The following RIC3 variants were observed in gnomAD, a reference collection of about 807,000 sequenced individuals.
RIC3 encodes the protein RIC3 acetylcholine receptor chaperone.
RIC3 carries 28 observed loss-of-function variants against 27.3 expected under a neutral mutation model. The observed-to-expected ratio is 1.02, with a 90% CI of 0.76 to 1.41. RIC3 has a LOEUF of 1.41. Among genes scored for constraint, RIC3 ranks in the 40% most tolerant of loss-of-function variants. The probability of loss-of-function intolerance (pLI) is 0.00; values close to 1 mark genes in which losing one functional copy is unlikely to be tolerated. For missense variants in RIC3, 501 were observed against 444.7 expected, an observed-to-expected ratio of 1.13 and a Z score of -1.14; for synonymous variants, 184 against 160.4, an observed-to-expected ratio of 1.15 and a Z score of -1.11.
chr11:8,143,809 T>C (rs1037392952), intron 1 of RIC3, among the ~76,000 whole-genome samples: 1 of 152,136 alleles, frequency 6.6e-6, no homozygotes, highest in African/African-American at 2.4e-5. Flanking sequence ...CAAAACAGCA[T>C]GGTACTGGTA....
In RIC3 at chr11:8,108,476, T is replaced by C. The variant is rs550961403; in HGVS notation, c.*2222A>G. Reference sequence around the variant, plus strand: ...ATTACCACTTAATGAGTGGTTATCATGTATGAGCTAGAACCAATGCTGTTT... The same window carrying C: ...ATTACCACTTAATGAGTGGTTATCACGTATGAGCTAGAACCAATGCTGTTT... On this transcript the variant is annotated 3_prime_UTR_variant, in exon 6 of 6. Transcript: ENST00000309737. 6.6e-6 allele frequency: 1 copy of C among 152,358 alleles called. No homozygotes were observed. The highest frequency in any genetic ancestry group is 2.1e-4 in the South Asian group (1 of 4,832). The allele number at this position is 152,358 out of a possible 1,614,324, so 9.4% of individuals were successfully genotyped here.
chr11:8,134,400 G>T (rs1170754033), intron 4 of RIC3, among the ~76,000 whole-genome samples: 1 of 152,166 alleles, frequency 6.6e-6, no homozygotes, highest in Non-Finnish European at 1.5e-5. Flanking sequence ...TATCATTGAT[G>T]GACATCTGGG....
intron 1 of RIC3, among the ~76,000 whole-genome samples, chr11:8,140,546 G>A (rs6578934): frequency 0.53 from 80,247 of 152,042 alleles, 25,172 homozygotes; most frequent in African/African-American, 0.88. Flanking sequence ...ATTCAACTCC[G>A]TGATCATTTC....
intron 1 of RIC3, among the ~76,000 whole-genome samples, chr11:8,144,147 A>T (rs1949388844): frequency 6.6e-6 from 1 of 152,210 alleles, no homozygotes; most frequent in South Asian, 2.1e-4. Flanking sequence ...GAACACCAAA[A>T]GCGATGGCAA....
rs544646640 is a variant in RIC3, at chr11:8,126,098, T to C, written c.670+561A>G. On this transcript the variant is annotated intron_variant, in intron 5 of 5. Coordinates refer to ENST00000309737, the MANE Select transcript of RIC3 (RefSeq NM_001206671.4). ...AACCCAAAAATCTCACTCCTAGGTA[T>C]AGACTCAAAAGAAATACAAATATAT... Among the ~76,000 whole-genome samples, 9 of 152,290 alleles carry C rather than the reference T, an allele frequency of 5.9e-5. No homozygotes were observed. The South Asian group carries it at 6.2e-4, about 11-fold the overall frequency.
intron 1 of RIC3, among the ~76,000 whole-genome samples, chr11:8,152,015 C>T (rs140059334): frequency 6.5e-4 from 99 of 152,088 alleles, no homozygotes; most frequent in African/African-American, 2.1e-3. Context: ...TAACACCATT[C>T]GCCACCAAGG....
chr11:8,152,096 A>T (rs193157252), intron 1 of RIC3, among the ~76,000 whole-genome samples: 76 of 152,282 alleles, frequency 5.0e-4, no homozygotes, highest in Non-Finnish European at 9.3e-4. Context: ...AAAAGATAAT[A>T]GCAAGTGTTT....
intron 1 of RIC3, among the ~76,000 whole-genome samples, chr11:8,165,345 T>TATGAATG (rs1951581961): frequency 3.8e-5 from 5 of 131,660 alleles, no homozygotes; most frequent in Non-Finnish European, 6.6e-5. Flanking sequence ...AATGAAATAT[T>TATGAATG]ATTCAGCCAT....
chr11:8,097,591 G>C, the RIC3 span: 1 of 1,303,964 alleles, frequency 7.7e-7, no homozygotes, highest in Non-Finnish European at 1.1e-6. Flanking sequence ...CAGTGCATTT[G>C]TGTGTGTGCA....
At chr11:8,150,979 A>G (rs1431235169) in intron 1 of RIC3, among the ~76,000 whole-genome samples, 1 of 152,240 alleles carries the variant, frequency 6.6e-6, no homozygotes, top group African/African-American at 2.4e-5. Context: ...CATACCATAT[A>G]CAGAAATTAA....
the RIC3 span, chr11:8,097,970 C>T: frequency 1.5e-6 from 1 of 663,028 alleles, no homozygotes; most frequent in East Asian, 2.7e-5. Flanking sequence ...TCACATCCAA[C>T]TGGAGGCCTA....
chr11:8,128,363 G>C (rs1590162182), intron 4 of RIC3: 1 of 433,702 alleles, frequency 2.3e-6, no homozygotes, highest in African/African-American at 2.0e-5. Context: ...TCCTAAAAGA[G>C]GATGGGTAGA....
intron 5 of RIC3, among the ~76,000 whole-genome samples, chr11:8,117,391 G>T (rs1172990220): frequency 1.3e-5 from 2 of 152,182 alleles, no homozygotes; most frequent in Admixed American, 1.3e-4. Context: ...AGGAAATCCT[G>T]TTATTTATGA....
intron 1 of RIC3, among the ~76,000 whole-genome samples, chr11:8,154,579 T>A (rs550850498): frequency 7.2e-5 from 11 of 152,356 alleles, no homozygotes; most frequent in African/African-American, 2.6e-4. Flanking sequence ...AATGTATCCA[T>A]GTTGACATGT....
chr11:8,134,844 T>C (rs952727853), intron 4 of RIC3, among the ~76,000 whole-genome samples: 5 of 151,820 alleles, frequency 3.3e-5, no homozygotes, highest in Admixed American at 6.5e-5. Context: ...GATGGGGTTG[T>C]TTTTTTCTTG....
chr11:8,151,357 A>G (rs894007163), intron 1 of RIC3, among the ~76,000 whole-genome samples: 4 of 151,140 alleles, frequency 2.6e-5, no homozygotes, highest in African/African-American at 7.3e-5. Flanking sequence ...GGAGGCCGAG[A>G]CGGGCGGATC....
intron 1 of RIC3, among the ~76,000 whole-genome samples, chr11:8,159,210 A>G (rs1442215282): frequency 6.6e-6 from 1 of 152,198 alleles, no homozygotes; most frequent in Non-Finnish European, 1.5e-5. Context: ...ACGAAGGGAA[A>G]GGCACATGGA....
chr11:8,112,644 G>A (rs941211858), intron 5 of RIC3, among the ~76,000 whole-genome samples: 10 of 152,058 alleles, frequency 6.6e-5, no homozygotes, highest in Non-Finnish European at 8.8e-5. Context: ...TCATATTTGT[G>A]TATAAAAGGT....
rs1444158388 is a variant in RIC3, at chr11:8,106,161, G to GTTGACATTATGTATGTTGT, written c.*4518_*4536dup. ...AATGACAAACTTGGTATTTTCCCATGTTGACATTATGTATGTTGTAGAATT... is the reference window on the plus strand; with the variant it reads ...AATGACAAACTTGGTATTTTCCCATGTTGACATTATGTATGTTGTTTGACATTATGTATGTTGTAGAATT... On this transcript the variant is annotated 3_prime_UTR_variant, in exon 6 of 6. Transcript: ENST00000309737. 6 of 151,742 alleles carry GTTGACATTATGTATGTTGT rather than the reference G, an allele frequency of 4.0e-5. No individual in the cohort carries two copies. The highest frequency in any genetic ancestry group is 2.1e-4 in the South Asian group (1 of 4,822). The allele number at this position is 151,742 out of a possible 1,614,324, so 9.4% of individuals were successfully genotyped here.
Sources: allele counts gnomAD v4.1 joint callset (sites outside exome capture counted in the v4.1 genomes callset), GRCh38; gene constraint gnomAD v4.1.1; transcripts MANE v1.5; gene names NCBI Gene and HGNC (gene_info 2026-07-23, HGNC 2026-07-21).